Variants in CTNNA3 observed in about 807,000 individuals in gnomAD.
The protein encoded by CTNNA3 is catenin alpha 3.
CTNNA3 carries 76 observed loss-of-function variants against 95.7 expected under a neutral mutation model. The observed-to-expected ratio is 0.79, with a 90% CI of 0.66 to 0.96. The LOEUF is 0.96. CTNNA3 is among the 40% of genes least tolerant of loss of function. The probability of loss-of-function intolerance (pLI) is 0.00; values close to 1 mark genes in which losing one functional copy is unlikely to be tolerated. For missense variants in CTNNA3, 1,191 were observed against 1,089.8 expected, an observed-to-expected ratio of 1.09 and a Z score of -1.31; for synonymous variants, 431 against 374.4, an observed-to-expected ratio of 1.15 and a Z score of -1.74.
Position 67,701,221 on chromosome 10 carries a change from C to T in CTNNA3, c.-1-53707G>A, listed in dbSNP as rs186601844. On this transcript the variant is annotated intron_variant, in intron 1 of 17. Coordinates refer to the CTNNA3 transcript ENST00000684154. ...ACTCTGCAGGATATTATCCAGGAGA[C>T]CTTCCCCAATCTAGCAAGGCAGGCC... Among the ~76,000 whole-genome samples, 1,478 of 152,270 alleles carry T rather than the reference C, an allele frequency of 9.7e-3. 27 individuals carry two copies. Among genetic ancestry groups the T allele is most frequent in the African/African-American group, 0.034 (1,405 of 41,556 alleles).
At chr10:67,123,266 C>A (rs577090242) in intron 7 of CTNNA3, among the ~76,000 whole-genome samples, 1 of 152,206 alleles carries the variant, frequency 6.6e-6, no homozygotes, top group Non-Finnish European at 1.5e-5. Context: ...GACCAGGTCT[C>A]TGCATTTAAT....
intron 11 of CTNNA3, among the ~76,000 whole-genome samples, chr10:66,469,745 G>C (rs1018675859): frequency 1.3e-5 from 2 of 151,768 alleles, no homozygotes; most frequent in Non-Finnish European, 2.9e-5. Flanking sequence ...CTTTAACTAT[G>C]ATGATAGTAA....
intron 5 of CTNNA3, among the ~76,000 whole-genome samples, chr10:67,295,185 G>T (rs1839985640): frequency 6.6e-6 from 1 of 152,118 alleles, no homozygotes; most frequent in Admixed American, 6.5e-5. Context: ...AGTGGTTCAT[G>T]ATCACTAATT....
chr10:67,450,619 G>GGTA (rs1846943019), intron 5 of CTNNA3, among the ~76,000 whole-genome samples: 1 of 152,022 alleles, frequency 6.6e-6, no homozygotes, highest in Admixed American at 6.6e-5. Flanking sequence ...GACAGACACT[G>GGTA]GAGCCTATTT....
At chr10:66,796,357 G>C (rs765399091) in intron 7 of CTNNA3, among the ~76,000 whole-genome samples, 1 of 151,964 alleles carries the variant, frequency 6.6e-6, no homozygotes, top group Non-Finnish European at 1.5e-5. Context: ...ACAGAGATTG[G>C]GGAACACCAG....
intron 5 of CTNNA3, among the ~76,000 whole-genome samples, chr10:67,433,708 T>C (rs1417793521): frequency 2.0e-5 from 3 of 152,082 alleles, no homozygotes; most frequent in Non-Finnish European, 2.9e-5. Flanking sequence ...TGAAAATGTA[T>C]TGAATAAATA....
At chr10:67,424,949 G>C (rs1845867931) in intron 5 of CTNNA3, among the ~76,000 whole-genome samples, 1 of 152,000 alleles carries the variant, frequency 6.6e-6, no homozygotes, top group African/African-American at 2.4e-5. Flanking sequence ...AATTCATTCA[G>C]TCCCTAATAC....
At chr10:66,115,383 AG>A (rs1225244476) in intron 13 of CTNNA3, among the ~76,000 whole-genome samples, 1 of 152,102 alleles carries the variant, frequency 6.6e-6, no homozygotes, top group African/African-American at 2.4e-5. Context: ...GATGCGTAAA[AG>A]CTGTTACTTC....
chr10:67,716,468 C>A (rs1185936480), intron 1 of CTNNA3, among the ~76,000 whole-genome samples: 2 of 152,182 alleles, frequency 1.3e-5, no homozygotes, highest in East Asian at 3.8e-4. Flanking sequence ...GCTCTCCCTC[C>A]CCTAGCCTCC....
At chr10:67,655,842 C>A (rs1401158634) in intron 1 of CTNNA3, among the ~76,000 whole-genome samples, 1 of 151,316 alleles carries the variant, frequency 6.6e-6, no homozygotes, top group Non-Finnish European at 1.5e-5. Context: ...AAGCCTCGCT[C>A]TCCCCCATCA....
intron 5 of CTNNA3, among the ~76,000 whole-genome samples, chr10:67,297,943 C>G (rs1016446027): frequency 1.3e-5 from 2 of 152,048 alleles, no homozygotes; most frequent in Non-Finnish European, 2.9e-5. Context: ...TCCAGAAACT[C>G]CAAATAGTAA....
intron 7 of CTNNA3, among the ~76,000 whole-genome samples, chr10:66,951,508 T>C (rs1353530024): frequency 1.3e-5 from 2 of 152,194 alleles, no homozygotes; most frequent in Middle Eastern, 3.2e-3. Context: ...ATCTATGAGA[T>C]AGGTACTGTT....
chr10:67,592,642 A>G (rs990942108), intron 3 of CTNNA3, among the ~76,000 whole-genome samples: 1 of 152,216 alleles, frequency 6.6e-6, no homozygotes, highest in African/African-American at 2.4e-5. Context: ...CTTGCTTTAA[A>G]AAAGAAAAAA....
intron 11 of CTNNA3, among the ~76,000 whole-genome samples, chr10:66,391,857 G>T (rs2092936045): frequency 6.6e-6 from 1 of 151,838 alleles, no homozygotes; most frequent in South Asian, 2.1e-4. Context: ...TCCATAGACT[G>T]TACACCTTGA....
chr10:66,659,181 AAC>A (rs10565151), intron 9 of CTNNA3, among the ~76,000 whole-genome samples: 36,354 of 145,138 alleles, frequency 0.25, 4,749 homozygotes, highest in African/African-American at 0.37. Context: ...TAATTAAGAA[AAC>A]ACACACACAC....
intron 9 of CTNNA3, among the ~76,000 whole-genome samples, chr10:66,736,664 T>A (rs1302101771): frequency 4.6e-5 from 7 of 152,104 alleles, no homozygotes; most frequent in Non-Finnish European, 1.0e-4. Flanking sequence ...AAGTATGAAA[T>A]TATAGTTATT....
chr10:66,637,305 C>A (rs1440850940), intron 9 of CTNNA3, among the ~76,000 whole-genome samples: 1 of 152,106 alleles, frequency 6.6e-6, no homozygotes, highest in Non-Finnish European at 1.5e-5. Context: ...ATTCTTATGT[C>A]AAGTAACATG....
In CTNNA3 at chr10:66,286,037, A is replaced by T. The variant is rs191525590; in HGVS notation, c.1733-5416T>A. 2.1e-3 allele frequency among the ~76,000 whole-genome samples: 322 copies of T among 152,100 alleles called. 2 individuals carry two copies. Among genetic ancestry groups the T allele is most frequent in the African/African-American group, 7.5e-3 (310 of 41,532 alleles). ...GCATTTGCATAATGTTTAGTTTGGGACTATAATATATATGGTGCTATGAAT... is the reference window on the plus strand; with the variant it reads ...GCATTTGCATAATGTTTAGTTTGGGTCTATAATATATATGGTGCTATGAAT... On this transcript the variant is annotated intron_variant, in intron 12 of 17. Coordinates refer to ENST00000433211, the MANE Select transcript of CTNNA3 (RefSeq NM_013266.4).
intron 13 of CTNNA3, among the ~76,000 whole-genome samples, chr10:66,249,673 T>G (rs1367794942): frequency 6.6e-6 from 1 of 152,162 alleles, no homozygotes; most frequent in Non-Finnish European, 1.5e-5. Context: ...TTTTGTACAC[T>G]GTTGGTGGGG....
Sources: allele counts gnomAD v4.1 joint callset (sites outside exome capture counted in the v4.1 genomes callset), GRCh38; gene constraint gnomAD v4.1.1; transcripts MANE v1.5; gene names NCBI Gene and HGNC (gene_info 2026-07-23, HGNC 2026-07-21).